GPBP1L1: variants seen among roughly 807,000 people sequenced by gnomAD.
GPBP1L1 encodes the protein GC-rich promoter binding protein 1 like 1.
A neutral mutation model predicts 52.5 loss-of-function variants in GPBP1L1; 23 were observed. The ratio of observed to expected loss-of-function variants is 0.44; its 90% CI spans 0.32 to 0.62. The LOEUF (loss-of-function observed/expected upper bound fraction) is 0.62. Ranked by LOEUF, GPBP1L1 falls within the 20% of genes least tolerant of loss-of-function variation. The pLI is 0.06. For missense variants in GPBP1L1, 596 were observed against 579.3 expected (o/e 1.03, Z -0.30); for synonymous variants, 243 against 203.1 (o/e 1.20, Z -1.67).
At chr1:45,661,621 A>G (rs1465135306) in intron 2 of GPBP1L1, among the ~76,000 whole-genome samples, 3 of 152,028 alleles carry the variant, frequency 2.0e-5, no homozygotes, top group Admixed American at 6.6e-5. Flanking sequence ...ATGCCCAGCT[A>G]ATTTTTTGTA....
In GPBP1L1 at chr1:45,640,480, C is replaced by T. The variant is rs1644658177; in HGVS notation, c.551-77G>A. 7.6e-6 allele frequency: 9 copies of T among 1,191,708 alleles called. No individual in the cohort carries two copies. In the East Asian group the frequency reaches 1.6e-4, roughly 22 times the overall value. 73.8% of individuals were successfully genotyped at this position (1,191,708 alleles called of 1,614,324 possible). A position where few individuals can be genotyped will look rare whatever the true frequency, so the allele number is the denominator to read the frequency against. On this transcript the variant is annotated intron_variant, in intron 7 of 12. Coordinates refer to ENST00000355105, the MANE Select transcript of GPBP1L1 (RefSeq NM_021639.5). ...CATGAAGCATAGTTTATACAAAGGC[C>T]TTAGTCAACAAAACAGCTGACAGTT...
At chr1:45,629,513 C>G (rs1386416965) in intron 12 of GPBP1L1, 63 bp downstream of exon 12, 2 of 527,858 alleles carry the variant, frequency 3.8e-6, no homozygotes, top group Non-Finnish European at 3.2e-6. Flanking sequence ...AGGGCAAGAA[C>G]TGTCTTGACT....
At chr1:45,672,171 G>A (rs1645081336) in intron 2 of GPBP1L1, among the ~76,000 whole-genome samples, 1 of 152,058 alleles carries the variant, frequency 6.6e-6, no homozygotes, top group Non-Finnish European at 1.5e-5. Context: ...GACCAGCCTG[G>A]CCAACACTAT....
At chr1:45,656,174 T>C (rs145968438) in intron 4 of GPBP1L1, 20 of 152,276 alleles carry the variant, frequency 1.3e-4, no homozygotes, top group Admixed American at 1.2e-3. Flanking sequence ...TTACACATAA[T>C]GAAAGAGGTC....
At chr1:45,680,939 T>C (rs1645205477) in intron 2 of GPBP1L1, among the ~76,000 whole-genome samples, 1 of 152,176 alleles carries the variant, frequency 6.6e-6, no homozygotes, top group Non-Finnish European at 1.5e-5. Context: ...AATTTTCAGA[T>C]TGAATATGCT....
In GPBP1L1 at chr1:45,680,917, T is replaced by G. The variant is rs906384190; in HGVS notation, c.-1098+4659A>C. Reference sequence around the variant, plus strand: ...GAGGGTAGAAAATAGGGAAAAAAATTCAGTTTTGAGAAATTTTCAGATTGA... The same window carrying G: ...GAGGGTAGAAAATAGGGAAAAAAATGCAGTTTTGAGAAATTTTCAGATTGA... On this transcript the variant is annotated intron_variant, in intron 2 of 12. Coordinates refer to ENST00000355105, the MANE Select transcript of GPBP1L1 (RefSeq NM_021639.5). Among the ~76,000 whole-genome samples the G allele has an allele frequency of 1.2e-4, 19 of 152,114 alleles. No homozygotes were observed. In the East Asian group the frequency reaches 3.7e-3, roughly 29 times the overall value.
intron 6 of GPBP1L1, among the ~76,000 whole-genome samples, chr1:45,649,985 G>A (rs1644801475): frequency 6.6e-6 from 1 of 152,118 alleles, no homozygotes; most frequent in African/African-American, 2.4e-5. Flanking sequence ...TTGTTAAACT[G>A]TATACATTTC....
intron 6 of GPBP1L1, among the ~76,000 whole-genome samples, chr1:45,648,340 C>T (rs1198590400): frequency 6.6e-6 from 1 of 152,200 alleles, no homozygotes; most frequent in African/African-American, 2.4e-5. Context: ...TATTAACTTT[C>T]TCTATTCAAA....
intron 1 of GPBP1L1, 45 bp downstream of exon 1, chr1:45,686,364 AACG>A (rs1435733292): frequency 6.6e-6 from 1 of 152,550 alleles, no homozygotes; most frequent in Non-Finnish European, 1.5e-5. Context: ...CCCGCGCCAG[AACG>A]ACTCCAGGAT....
intron 4 of GPBP1L1, among the ~76,000 whole-genome samples, chr1:45,657,065 T>G (rs1433516355): frequency 6.6e-6 from 1 of 152,182 alleles, no homozygotes; most frequent in Non-Finnish European, 1.5e-5. Context: ...CTTTGCTTAT[T>G]ATAGTTTCGA....
chr1:45,660,574 T>C lies in GPBP1L1; in HGVS notation c.-446A>G. The C allele has an allele frequency of 1.0e-6, 1 of 984,578 alleles. No individual in the cohort carries two copies. The highest frequency in any genetic ancestry group is 1.2e-6 in the Non-Finnish European group (1 of 829,138). 61.0% of individuals were successfully genotyped at this position (984,578 alleles called of 1,614,324 possible). On this transcript the variant is annotated 5_prime_UTR_variant, in exon 3 of 13. Coordinates refer to ENST00000355105, the MANE Select transcript of GPBP1L1 (RefSeq NM_021639.5). ...GGATATTTGCACCGAGTGCAAATAC[T>C]GTTCATAACAAGGTCATAGCTAGAA... is the stretch of plus-strand genomic sequence containing the variant.
chr1:45,629,454 T>TTTCCCCCCCCCC, intron 12 of GPBP1L1, 122 bp downstream of exon 12: 5 of 115,394 alleles, frequency 4.3e-5, no homozygotes, highest in South Asian at 9.7e-5. Context: ...ACTAAGGTAA[T>TTTCCCCCCCCCC]CCCCCCCCCC....
At chr1:45,630,762 T>G (rs1267958711) in intron 10 of GPBP1L1, 156 bp from the exon 11 acceptor site, 1 of 590,992 alleles carries the variant, frequency 1.7e-6, no homozygotes, top group African/African-American at 2.7e-5. Flanking sequence ...GAGGACCTGC[T>G]GCATCAACAA....
At chr1:45,643,934 TGA>T (rs1419255049) in intron 6 of GPBP1L1, among the ~76,000 whole-genome samples, 2 of 152,126 alleles carry the variant, frequency 1.3e-5, no homozygotes, top group African/African-American at 4.8e-5. Flanking sequence ...CCCAAAGTGC[TGA>T]GATTACAGGC....
Position 45,640,312 on chromosome 1 carries a change from G to A in GPBP1L1, c.642C>T (p.Phe214=), listed in dbSNP as rs776998042. The A allele has an allele frequency of 3.7e-6, 6 of 1,613,824 alleles. No homozygotes were observed. The Admixed American group carries it at 5.0e-5, about 13-fold the overall frequency. ...TTGCATGGTGAGATCCTGGTGAGGT[G>A]AATGCAGCAGAGAAGGCAGCAGCAG... is the stretch of plus-strand genomic sequence containing the variant. ...EDPAAAFSAA[F]TSPGSHHANG... Residue 214 remains phenylalanine, a synonymous_variant, in exon 8 of 13, where the codon TTC becomes TTT. Transcript: ENST00000355105.
chr1:45,653,539 T>C (rs1463286686), intron 6 of GPBP1L1, among the ~76,000 whole-genome samples: 1 of 151,806 alleles, frequency 6.6e-6, no homozygotes, highest in Non-Finnish European at 1.5e-5. Flanking sequence ...AAAAATTTTT[T>C]ATAGAGACAA....
At chr1:45,645,522 G>GC (rs1553180419) in intron 6 of GPBP1L1, among the ~76,000 whole-genome samples, 1 of 151,726 alleles carries the variant, frequency 6.6e-6, no homozygotes, top group East Asian at 1.9e-4. Flanking sequence ...AAAATGTTTT[G>GC]TTTTTTTTGG....
At chr1:45,656,911 C>T (rs1644892147) in intron 4 of GPBP1L1, among the ~76,000 whole-genome samples, 1 of 152,090 alleles carries the variant, frequency 6.6e-6, no homozygotes. Context: ...TCTCAAACTC[C>T]TGGCTTTCAA....
chr1:45,664,464 G>A (rs1224318557), intron 2 of GPBP1L1, among the ~76,000 whole-genome samples: 1 of 152,064 alleles, frequency 6.6e-6, no homozygotes, highest in Non-Finnish European at 1.5e-5. Context: ...TACTACGGAG[G>A]CTGAGGCAGG....
Sources: allele counts gnomAD v4.1 joint callset (sites outside exome capture counted in the v4.1 genomes callset), GRCh38; gene constraint gnomAD v4.1.1; transcripts MANE v1.5; gene names NCBI Gene and HGNC (gene_info 2026-07-23, HGNC 2026-07-21).